Variants in PCSK5 observed in about 807,000 individuals in gnomAD.
PCSK5 encodes prohormone convertase 5.
In PCSK5, 129 loss-of-function variants were observed where a neutral mutation model predicts 233.2. The observed-to-expected ratio is 0.55, with a 90% CI of 0.48 to 0.64. The LOEUF (loss-of-function observed/expected upper bound fraction) is 0.64. PCSK5 is among the 30% of genes least tolerant of loss of function. The pLI, the probability that PCSK5 is intolerant of heterozygous loss-of-function variation, is 0.00. For missense variants in PCSK5, 2,076 were observed against 2,430.1 expected (o/e 0.85, Z 3.06); for synonymous variants, 825 against 879.2 (o/e 0.94, Z 1.09).
At chr9:76,262,418 C>A (rs1474270676) in intron 24 of PCSK5, among the ~76,000 whole-genome samples, 1 of 150,090 alleles carries the variant, frequency 6.7e-6, no homozygotes, top group African/African-American at 2.5e-5. Flanking sequence ...GGTACTGGTA[C>A]CAAAACAGAG....
intron 5 of PCSK5, among the ~76,000 whole-genome samples, chr9:76,058,020 T>G (rs1351157406): frequency 6.6e-6 from 1 of 152,032 alleles, no homozygotes; most frequent in African/African-American, 2.4e-5. Flanking sequence ...TTTTATTTAT[T>G]TATTTTTTTG....
At chr9:76,161,556 G>A (rs566581246) in intron 12 of PCSK5, among the ~76,000 whole-genome samples, 10 of 150,286 alleles carry the variant, frequency 6.7e-5, no homozygotes, top group South Asian at 2.1e-4. Context: ...GTGTTCCCCC[G>A]AGCCCCCTTC....
In PCSK5 at chr9:76,233,315, A is replaced by C. The variant is rs1025142541; in HGVS notation, c.2730-145A>C. The C allele has an allele frequency of 1.8e-5, 14 of 761,112 alleles. No individual in the cohort carries two copies. In the East Asian group the frequency reaches 3.7e-4, roughly 20 times the overall value. 47.1% of individuals were successfully genotyped at this position (761,112 alleles called of 1,614,324 possible). A position where few individuals can be genotyped will look rare whatever the true frequency, so the allele number is the denominator to read the frequency against. On this transcript the variant is annotated intron_variant, in intron 21 of 37. Transcript: ENST00000674117. ...ACGTGACTAATATTTCACATGTTCT[A>C]AGATGATCACTCCCAGGCATCCCCC...
chr9:76,240,268 T>C (rs570557729), intron 23 of PCSK5, among the ~76,000 whole-genome samples: 10 of 152,302 alleles, frequency 6.6e-5, no homozygotes, highest in African/African-American at 2.4e-4. Context: ...GTAGCACAGA[T>C]AGAAAGAGAA....
At chr9:76,248,386 AT>A (rs1826686837) in intron 24 of PCSK5, among the ~76,000 whole-genome samples, 1 of 152,218 alleles carries the variant, frequency 6.6e-6, no homozygotes. Context: ...AACTCAATTA[AT>A]ATTTTAAATC....
chr9:76,282,303 A>AT (rs1827902591), intron 24 of PCSK5, among the ~76,000 whole-genome samples: 1 of 114,568 alleles, frequency 8.7e-6, no homozygotes. Context: ...TTTATTTCCA[A>AT]TTTTTTCTTT....
chr9:76,329,090 A>C (rs1402657751), intron 33 of PCSK5, among the ~76,000 whole-genome samples: 2 of 150,386 alleles, frequency 1.3e-5, no homozygotes, highest in Admixed American at 1.3e-4. Context: ...AAGTGCTGGG[A>C]TTACAGGTGT....
Position 75,932,898 on chromosome 9 carries a change from C to T in PCSK5, c.297+415C>T, listed in dbSNP as rs562716683. Among the ~76,000 whole-genome samples, 8 of 152,218 alleles carry T rather than the reference C, an allele frequency of 5.3e-5. No homozygotes were observed. In the South Asian group the frequency reaches 1.2e-3, roughly 24 times the overall value. On this transcript the variant is annotated intron_variant, in intron 2 of 37. Transcript: ENST00000674117. ...CCCTTAGGTCAGGGGTACAGATCAC[C>T]GTGAATCCTCATGATTTTACTTGGC...
At chr9:76,037,829 A>G (rs1455375298) in intron 5 of PCSK5, among the ~76,000 whole-genome samples, 1 of 152,184 alleles carries the variant, frequency 6.6e-6, no homozygotes, top group Non-Finnish European at 1.5e-5. Flanking sequence ...CAAGGAATTG[A>G]GAAGAGCAGT....
intron 11 of PCSK5, among the ~76,000 whole-genome samples, chr9:76,158,244 C>T (rs550789548): frequency 1.2e-3 from 182 of 152,232 alleles, no homozygotes; most frequent in African/African-American, 4.1e-3. Context: ...GACATATTTT[C>T]ACCTGTGGCT....
At chr9:76,030,769 CTT>C (rs79253371) in intron 5 of PCSK5, among the ~76,000 whole-genome samples, 1 of 149,476 alleles carries the variant, frequency 6.7e-6, no homozygotes, top group South Asian at 2.1e-4. Context: ...TTTAAAACTG[CTT>C]TTTTTTTTCC....
chr9:76,032,951 G>T (rs1430803651), intron 5 of PCSK5, among the ~76,000 whole-genome samples: 1 of 152,146 alleles, frequency 6.6e-6, no homozygotes, highest in Non-Finnish European at 1.5e-5. Flanking sequence ...CAACCTCTGG[G>T]TTAAAGACTT....
chr9:76,025,123 T>C (rs1828365179), intron 4 of PCSK5, among the ~76,000 whole-genome samples: 1 of 152,334 alleles, frequency 6.6e-6, no homozygotes, highest in Non-Finnish European at 1.5e-5. Flanking sequence ...ATATTTTACT[T>C]GATTTCCCGA....
At chr9:76,207,627 C>G (rs969139536) in intron 20 of PCSK5, among the ~76,000 whole-genome samples, 4 of 152,100 alleles carry the variant, frequency 2.6e-5, no homozygotes, top group African/African-American at 9.7e-5. Context: ...ATAAAGGGAT[C>G]TAAATGAGGG....
rs1021540368 is a variant in PCSK5, at chr9:76,215,146, C to T, written c.2627-12357C>T. On this transcript the variant is annotated intron_variant, in intron 20 of 37. Transcript: ENST00000674117. ...GCAGCTTTTCCACAGCCCATCCCTG[C>T]CCATTTTGGCAAACTGTGAACAGCA... is the stretch of plus-strand genomic sequence containing the variant. Among the ~76,000 whole-genome samples the T allele has an allele frequency of 6.6e-5, 10 of 152,236 alleles. No individual in the cohort carries two copies. In the South Asian group the frequency reaches 2.1e-3, roughly 32 times the overall value.
intron 24 of PCSK5, among the ~76,000 whole-genome samples, chr9:76,245,006 G>T (rs1281418891): frequency 6.6e-6 from 1 of 152,082 alleles, no homozygotes; most frequent in Non-Finnish European, 1.5e-5. Flanking sequence ...TTCTTCACTA[G>T]CTGAGGATAG....
intron 10 of PCSK5, among the ~76,000 whole-genome samples, chr9:76,145,342 A>C (rs1823401247): frequency 6.6e-6 from 1 of 152,104 alleles, no homozygotes; most frequent in African/African-American, 2.4e-5. Context: ...TTCCAGTAGA[A>C]GTTTCATATT....
At chr9:75,946,439 T>A (rs1354136058) in intron 2 of PCSK5, among the ~76,000 whole-genome samples, 1 of 152,236 alleles carries the variant, frequency 6.6e-6, no homozygotes, top group African/African-American at 2.4e-5. Context: ...AGCTATTTTC[T>A]AATGTTCATT....
At chr9:76,111,964 T>C (rs1832236641) in intron 9 of PCSK5, among the ~76,000 whole-genome samples, 1 of 152,212 alleles carries the variant, frequency 6.6e-6, no homozygotes, top group Admixed American at 6.5e-5. Context: ...CTAACATTCA[T>C]GAAAGTACAG....
Sources: allele counts gnomAD v4.1 joint callset (sites outside exome capture counted in the v4.1 genomes callset), GRCh38; gene constraint gnomAD v4.1.1; transcripts MANE v1.5; gene names NCBI Gene and HGNC (gene_info 2026-07-23, HGNC 2026-07-21).